UGT1A10: variants seen among roughly 807,000 people sequenced by gnomAD.
UGT1A10 encodes UDP glucuronosyltransferase family 1 member A10.
A neutral mutation model predicts 45.8 loss-of-function variants in UGT1A10; 49 were observed. The observed-to-expected ratio is 1.07, with a 90% CI of 0.85 to 1.36. The LOEUF is 1.36. Ranked by LOEUF, UGT1A10 falls within the 40% of genes most tolerant of loss-of-function variation. The probability of loss-of-function intolerance (pLI) is 0.00; values close to 1 mark genes in which losing one functional copy is unlikely to be tolerated. For synonymous variants in UGT1A10, 284 were observed against 249.7 expected, an observed-to-expected ratio of 1.14 and a Z score of -1.29; for missense variants, 745 against 668.6, an observed-to-expected ratio of 1.11 and a Z score of -1.26.
chr2:233,696,093 A>G (rs546643053), intron 1 of UGT1A10, among the ~76,000 whole-genome samples: 84 of 152,330 alleles, frequency 5.5e-4, no homozygotes, highest in African/African-American at 1.8e-3. Flanking sequence ...GAGAGTCTTC[A>G]AAACAAAACA....
chr2:233,651,055 C>T lies in UGT1A10; in HGVS notation c.855+13678C>T, dbSNP rs553142518. ...TGGGAAAATGAAATAATGTAAAAAA[C>T]AGGAAGACTACAGTTTTAGACCTTT... On this transcript the variant is annotated intron_variant, in intron 1 of 4. Coordinates refer to ENST00000344644, the MANE Select transcript of UGT1A10 (RefSeq NM_019075.4). Among the ~76,000 whole-genome samples, 74 of 152,282 alleles carry T rather than the reference C, an allele frequency of 4.9e-4. 1 individual carries two copies. The highest frequency in any genetic ancestry group is 1.4e-3 in the Admixed American group (21 of 15,290).
At chr2:233,693,627 G>T in intron 1 of UGT1A10, 2 of 1,614,182 alleles carry the variant, frequency 1.2e-6, no homozygotes, top group Non-Finnish European at 1.7e-6. Context: ...TTTTCCCAAC[G>T]AGTGGCCAAC....
intron 1 of UGT1A10, among the ~76,000 whole-genome samples, chr2:233,716,574 A>G (rs2076512452): frequency 6.6e-6 from 1 of 152,190 alleles, no homozygotes; most frequent in Admixed American, 6.5e-5. Context: ...TTTAAAAACA[A>G]TACTTTCAAA....
intron 1 of UGT1A10, chr2:233,747,358 G>A (rs1172361388): frequency 8.7e-6 from 14 of 1,603,108 alleles, no homozygotes; most frequent in Middle Eastern, 1.7e-4. Flanking sequence ...GAGGCCGTGC[G>A]GGAGCTCCAT....
At chr2:233,669,535 A>AT (rs1162269560) in intron 1 of UGT1A10, among the ~76,000 whole-genome samples, 1 of 152,042 alleles carries the variant, frequency 6.6e-6, no homozygotes. Context: ...ATCTGTTAGT[A>AT]TTTTTTATTT....
chr2:233,724,544 T>C (rs2077280131), intron 1 of UGT1A10, among the ~76,000 whole-genome samples: 1 of 117,026 alleles, frequency 8.5e-6, no homozygotes, highest in African/African-American at 3.6e-5. Flanking sequence ...GCAGAGGCGC[T>C]CCTCACATCC....
rs2073309485 is a variant in UGT1A10, at chr2:233,636,955, G to GT, written c.434dup (p.Phe146ValfsTer6). 1 of 1,614,130 alleles carries GT rather than the reference G, an allele frequency of 6.2e-7. No homozygotes were observed. Among genetic ancestry groups the GT allele is most frequent in the Non-Finnish European group, 8.5e-7 (1 of 1,180,034 alleles). ...CTTAAAGGAGAGTTCTTTTGATGCA[G>GT]TGTTTCTGGATCCTTTTGATACCTG... is the stretch of plus-strand genomic sequence containing the variant. On this transcript the variant is annotated frameshift_variant, in exon 1 of 5. Coordinates refer to ENST00000344644, the MANE Select transcript of UGT1A10 (RefSeq NM_019075.4). LOFTEE classifies it high-confidence loss of function.
At chr2:233,710,745 A>G (rs182447991) in intron 1 of UGT1A10, among the ~76,000 whole-genome samples, 230 of 152,356 alleles carry the variant, frequency 1.5e-3, no homozygotes, top group African/African-American at 5.5e-3. Context: ...TCAAGGAGCA[A>G]AAGTTGCAAG....
At position 233,725,055 on chromosome 2, in the gene UGT1A10, C is replaced by T. The variant is rs1006940909; in HGVS notation, c.856-41979C>T. On this transcript the variant is annotated intron_variant, in intron 1 of 4. Transcript: ENST00000344644. ...CACCAAAACCAGTCAGGCGTGGCGG[C>T]GCGCGCCTGCAATCGCAGGCACTCG... is the stretch of plus-strand genomic sequence containing the variant. Among the ~76,000 whole-genome samples the T allele has an allele frequency of 2.2e-4, 33 of 147,502 alleles. 1 individual carries two copies. The highest frequency in any genetic ancestry group is 9.3e-4 in the South Asian group (4 of 4,294).
At chr2:233,725,198 A>AGAGGCAGAGGCAGAGGCAGAG (rs1377722142) in intron 1 of UGT1A10, among the ~76,000 whole-genome samples, 1 of 86,634 alleles carries the variant, frequency 1.2e-5, no homozygotes, top group Non-Finnish European at 2.0e-5. Context: ...AGGCAGAGGC[A>AGAGGCAGAGGCAGAGGCAGAG]GAGGCAGAGG....
At chr2:233,668,670 C>A (rs1428443965) in intron 1 of UGT1A10, among the ~76,000 whole-genome samples, 2 of 152,352 alleles carry the variant, frequency 1.3e-5, no homozygotes, top group East Asian at 3.9e-4. Context: ...ACACTCCCAC[C>A]AACAGGGTAA....
At chr2:233,682,135 G>T (rs201856078) in intron 1 of UGT1A10, 36 of 1,614,086 alleles carry the variant, frequency 2.2e-5, no homozygotes, top group Non-Finnish European at 5.1e-6. Flanking sequence ...GTTGGCAACT[G>T]GGAAGATCAC....
intron 1 of UGT1A10, among the ~76,000 whole-genome samples, chr2:233,660,066 T>C (rs1014130539): frequency 2.6e-5 from 4 of 152,232 alleles, no homozygotes; most frequent in African/African-American, 9.6e-5. Context: ...ATTTCTTTCA[T>C]GAGTCCCTTG....
chr2:233,675,728 C>T (rs1419810459), intron 1 of UGT1A10, among the ~76,000 whole-genome samples: 1 of 152,182 alleles, frequency 6.6e-6, no homozygotes, highest in Non-Finnish European at 1.5e-5. Flanking sequence ...CTATTTTGCT[C>T]TACTAATTCA....
Position 233,672,926 on chromosome 2 carries a change from C to T in UGT1A10, c.855+35549C>T, listed in dbSNP as rs2074245703. ...TTCCAGTTTAACAAATTATTTTGTG[C>T]CAATGCGTGTACTCGTCAGTAGCAA... On this transcript the variant is annotated intron_variant, in intron 1 of 4. Coordinates refer to ENST00000344644, the MANE Select transcript of UGT1A10 (RefSeq NM_019075.4). 6.1e-6 allele frequency: 9 copies of T among 1,477,470 alleles called. No individual in the cohort carries two copies. In the South Asian group the frequency reaches 1.1e-4, roughly 19 times the overall value. The allele number at this position is 1,477,470 out of a possible 1,614,324, so 91.5% of individuals were successfully genotyped here.
At chr2:233,741,946 A>T (rs1293176575) in intron 1 of UGT1A10, 1 of 151,876 alleles carries the variant, frequency 6.6e-6, no homozygotes, top group Non-Finnish European at 1.5e-5. Flanking sequence ...TGCCAACAGA[A>T]AGGTACTTTC....
At chr2:233,641,080 A>C (rs770217684) in intron 1 of UGT1A10, among the ~76,000 whole-genome samples, 19 of 152,292 alleles carry the variant, frequency 1.2e-4, no homozygotes, top group Non-Finnish European at 2.2e-4. Flanking sequence ...TCAATACTGC[A>C]TCTAGCTCTC....
intron 1 of UGT1A10, chr2:233,649,124 A>T: frequency 1.4e-6 from 1 of 710,890 alleles, no homozygotes; most frequent in Non-Finnish European, 2.0e-6. Flanking sequence ...TGTTTGTTGC[A>T]TCTAAAATTT....
rs185880509 is a variant in UGT1A10 at position 233,715,758 on chromosome 2, C to T, written c.856-51276C>T. 7.9e-5 allele frequency among the ~76,000 whole-genome samples: 12 copies of T among 152,156 alleles called. No individual in the cohort carries two copies. In the East Asian group the frequency reaches 1.9e-3, roughly 24 times the overall value. ...CCTCACTCCAGCCTGAGTGACAGAG[C>T]GAGGACCCATCTCAAAAAAATAAAA... On this transcript the variant is annotated intron_variant, in intron 1 of 4. Coordinates refer to ENST00000344644, the MANE Select transcript of UGT1A10 (RefSeq NM_019075.4).
Sources: allele counts gnomAD v4.1 joint callset (sites outside exome capture counted in the v4.1 genomes callset), GRCh38; gene constraint gnomAD v4.1.1; transcripts MANE v1.5; gene names NCBI Gene and HGNC (gene_info 2026-07-23, HGNC 2026-07-21).